Variants in CLCN3 observed in about 807,000 individuals in gnomAD.
The protein encoded by CLCN3 is H(+)/Cl(-) exchange transporter 3.
CLCN3 carries 16 observed loss-of-function variants against 83.4 expected under a neutral mutation model. The ratio of observed to expected loss-of-function variants is 0.19; its 90% CI spans 0.13 to 0.29. The LOEUF (loss-of-function observed/expected upper bound fraction) is 0.29, where lower values mean the gene tolerates loss of function less well. CLCN3 is among the 10% of genes least tolerant of loss of function. The pLI is 1.00. For synonymous variants in CLCN3, 322 were observed against 346.2 expected (o/e 0.93, Z 0.78); for missense variants, 544 against 1,006.0 (o/e 0.54, Z 6.21).
At chr4:169,622,099 C>G (rs1773125576) in intron 1 of CLCN3, among the ~76,000 whole-genome samples, 1 of 152,206 alleles carries the variant, frequency 6.6e-6, no homozygotes, top group African/African-American at 2.4e-5. Flanking sequence ...CTTCCCACCC[C>G]TTACTCCCCT....
At chr4:169,693,203 A>G (rs1040880599) in intron 7 of CLCN3, among the ~76,000 whole-genome samples, 8 of 152,230 alleles carry the variant, frequency 5.3e-5, no homozygotes, top group Non-Finnish European at 4.4e-5. Context: ...TTCAATTGAA[A>G]TAATTCTAGT....
At chr4:169,675,509 A>AT (rs1211367193) in intron 2 of CLCN3, among the ~76,000 whole-genome samples, 2 of 152,154 alleles carry the variant, frequency 1.3e-5, no homozygotes, top group Non-Finnish European at 2.9e-5. Flanking sequence ...TATTTTTACA[A>AT]TTTTTTTAAA....
intron 8 of CLCN3, 41 bp from the exon 9 acceptor site, chr4:169,697,148 A>G: frequency 7.3e-7 from 1 of 1,373,110 alleles, no homozygotes; most frequent in Non-Finnish European, 9.9e-7. Flanking sequence ...CATCTTATAA[A>G]ATTATAGCAT....
At chr4:169,622,589 G>A (rs1012602626) in intron 1 of CLCN3, among the ~76,000 whole-genome samples, 3 of 152,128 alleles carry the variant, frequency 2.0e-5, no homozygotes, top group African/African-American at 7.2e-5. Flanking sequence ...TGCATTCTGT[G>A]TTTTCAGGCT....
intron 11 of CLCN3, 152 bp downstream of exon 11, chr4:169,707,418 G>T (rs563981153): frequency 3.1e-5 from 16 of 511,928 alleles, no homozygotes; most frequent in Non-Finnish European, 5.3e-5. Context: ...GGAAAGGAAG[G>T]TATGCTTCAG....
At chr4:169,685,005 C>T (rs1684091160) in intron 3 of CLCN3, among the ~76,000 whole-genome samples, 1 of 136,206 alleles carries the variant, frequency 7.3e-6, no homozygotes. Context: ...TTTTAAGAGA[C>T]TGGGTCTTGC....
intron 2 of CLCN3, among the ~76,000 whole-genome samples, chr4:169,644,064 G>A (rs1730500846): frequency 6.6e-6 from 1 of 152,184 alleles, no homozygotes; most frequent in Admixed American, 6.5e-5. Flanking sequence ...TCCTCAGGAC[G>A]GAACATTGTA....
At chr4:169,681,734 CAGT>C (rs771072116) in intron 3 of CLCN3, among the ~76,000 whole-genome samples, 18 of 152,046 alleles carry the variant, frequency 1.2e-4, no homozygotes, top group Non-Finnish European at 2.5e-4. Flanking sequence ...TTAAAAATAA[CAGT>C]AACAAAACCC....
At chr4:169,690,778 T>G (rs1302246950) in intron 6 of CLCN3, 126 bp downstream of exon 6, 3 of 810,064 alleles carry the variant, frequency 3.7e-6, no homozygotes, top group Non-Finnish European at 5.6e-6. Context: ...AAAAAAAAAT[T>G]TTTTTAAGTA....
At chr4:169,642,998 G>T (rs1730462181) in intron 2 of CLCN3, 2 of 152,208 alleles carry the variant, frequency 1.3e-5, no homozygotes, top group Admixed American at 6.5e-5. Flanking sequence ...GTTTCAGGAG[G>T]TCATCAATGT....
chr4:169,699,804 C>T (rs984158449), intron 9 of CLCN3, among the ~76,000 whole-genome samples: 22 of 152,246 alleles, frequency 1.4e-4, no homozygotes, highest in African/African-American at 5.3e-4. Flanking sequence ...ATCACTTAAA[C>T]CCAGGAGGTG....
chr4:169,664,771 G>A (rs187103783), intron 2 of CLCN3, among the ~76,000 whole-genome samples: 1 of 152,250 alleles, frequency 6.6e-6, no homozygotes, highest in East Asian at 1.9e-4. Flanking sequence ...CTTTAGTATG[G>A]TTAATTTTAT....
At chr4:169,666,289 C>T (rs1405544706) in intron 2 of CLCN3, among the ~76,000 whole-genome samples, 2 of 152,144 alleles carry the variant, frequency 1.3e-5, no homozygotes, top group Non-Finnish European at 2.9e-5. Flanking sequence ...AGAAACATTT[C>T]TCCACTTCAT....
chr4:169,713,014 TA>T (rs1283496508), intron 11 of CLCN3, 64 bp from the exon 12 acceptor site: 1 of 1,175,910 alleles, frequency 8.5e-7, no homozygotes, highest in African/African-American at 1.5e-5. Context: ...TATCTCTGAA[TA>T]AACAGGTTGC....
chr4:169,621,714 C>G (rs1773116955), intron 1 of CLCN3, among the ~76,000 whole-genome samples: 1 of 152,192 alleles, frequency 6.6e-6, no homozygotes. Flanking sequence ...CTATGCAGTT[C>G]AGTTACTGCA....
chr4:169,696,682 T>G (rs1217730163), intron 8 of CLCN3, among the ~76,000 whole-genome samples: 2 of 152,146 alleles, frequency 1.3e-5, no homozygotes, highest in Non-Finnish European at 2.9e-5. Flanking sequence ...GACTAATGTC[T>G]CCCCTTTCCC....
intron 2 of CLCN3, among the ~76,000 whole-genome samples, chr4:169,665,478 A>T (rs13143544): frequency 6.6e-6 from 1 of 152,110 alleles, no homozygotes; most frequent in African/African-American, 2.4e-5. Context: ...TATTCTTGCC[A>T]TTACCTTTTT....
chr4:169,712,280 CCTT>C (rs1219052898), intron 11 of CLCN3, among the ~76,000 whole-genome samples: 1 of 152,142 alleles, frequency 6.6e-6, no homozygotes, highest in Non-Finnish European at 1.5e-5. Context: ...CATTGAGTTT[CCTT>C]CTCCGTCTTG....
At chr4:169,691,172 C>T (rs1732357383) in intron 6 of CLCN3, among the ~76,000 whole-genome samples, 2 of 151,620 alleles carry the variant, frequency 1.3e-5, no homozygotes, top group African/African-American at 4.8e-5. Flanking sequence ...CTAATTTTTG[C>T]ATTTTTTTGT....
Sources: allele counts gnomAD v4.1 joint callset (sites outside exome capture counted in the v4.1 genomes callset), GRCh38; gene constraint gnomAD v4.1.1; transcripts MANE v1.5; gene names NCBI Gene and HGNC (gene_info 2026-07-23, HGNC 2026-07-21).